The following ZNF385D variants were observed in gnomAD, a reference collection of about 807,000 sequenced individuals.
The protein encoded by ZNF385D is zinc finger protein 385D, also known as zinc finger protein 659.
ZNF385D carries 15 observed loss-of-function variants against 35.8 expected under a neutral mutation model. That is an observed-to-expected ratio of 0.42 (90% CI 0.28 to 0.64). The LOEUF (loss-of-function observed/expected upper bound fraction) is 0.64. Ranked by LOEUF, ZNF385D falls within the 30% of genes least tolerant of loss-of-function variation. The probability of loss-of-function intolerance (pLI) is 0.23; values close to 1 mark genes in which losing one functional copy is unlikely to be tolerated. For missense variants in ZNF385D, 474 were observed against 494.6 expected, an observed-to-expected ratio of 0.96 and a Z score of 0.39; for synonymous variants, 212 against 186.8, an observed-to-expected ratio of 1.13 and a Z score of -1.10.
chr3:21,856,743 T>G (rs1204862385), intron 3 of ZNF385D, among the ~76,000 whole-genome samples: 1 of 152,052 alleles, frequency 6.6e-6, no homozygotes, highest in African/African-American at 2.4e-5. Context: ...TTTTCTCTTA[T>G]CCCTCAACCT....
At chr3:22,157,424 G>T (rs1705661067) in intron 3 of ZNF385D, among the ~76,000 whole-genome samples, 1 of 151,768 alleles carries the variant, frequency 6.6e-6, no homozygotes, top group South Asian at 2.1e-4. Context: ...AAATTTTAAG[G>T]TTGTTTCCCC....
chr3:22,202,759 C>T (rs1217775779), intron 2 of ZNF385D, among the ~76,000 whole-genome samples: 3 of 152,044 alleles, frequency 2.0e-5, no homozygotes, highest in African/African-American at 7.2e-5. Flanking sequence ...AAAGACAGCA[C>T]ATTGAATGTG....
intron 2 of ZNF385D, among the ~76,000 whole-genome samples, chr3:22,326,052 C>T (rs146404533): frequency 2.6e-4 from 39 of 152,216 alleles, no homozygotes; most frequent in East Asian, 2.1e-3. Flanking sequence ...CTCCAATTCC[C>T]GAATGTTTTC....
intron 3 of ZNF385D, among the ~76,000 whole-genome samples, chr3:21,551,266 TG>T (rs1359320785): frequency 6.6e-6 from 1 of 152,202 alleles, no homozygotes; most frequent in East Asian, 1.9e-4. Flanking sequence ...AGAATGGACT[TG>T]CTGCCCTCCC....
At chr3:22,006,852 T>A (rs1292910557) in intron 3 of ZNF385D, among the ~76,000 whole-genome samples, 1 of 151,962 alleles carries the variant, frequency 6.6e-6, no homozygotes, top group Admixed American at 6.6e-5. Flanking sequence ...TAGAAACTGA[T>A]ACAAAACCAA....
At chr3:22,113,289 A>G (rs907450689) in intron 3 of ZNF385D, among the ~76,000 whole-genome samples, 3 of 152,154 alleles carry the variant, frequency 2.0e-5, no homozygotes, top group Non-Finnish European at 4.4e-5. Context: ...TAACATGAAG[A>G]TAATAGGTAA....
intron 3 of ZNF385D, among the ~76,000 whole-genome samples, chr3:21,990,837 G>A (rs542079244): frequency 5.3e-5 from 8 of 152,128 alleles, no homozygotes; most frequent in Non-Finnish European, 1.0e-4. Flanking sequence ...GTATAGCTTG[G>A]ATTTCCTTTG....
chr3:22,069,110 T>C (rs1427047771), intron 3 of ZNF385D, among the ~76,000 whole-genome samples: 6 of 152,190 alleles, frequency 3.9e-5, no homozygotes, highest in Admixed American at 6.5e-5. Context: ...CTACAGGTGT[T>C]TGTTGTGTTA....
rs116079863 is a variant in ZNF385D at position 21,952,759 on chromosome 3, A to T, written c.325+216058T>A. ...CAAAATCTTTTTATACAATAGTATA[A>T]AAATGTAACTGCTACTTAATATATT... On this transcript the variant is annotated intron_variant, in intron 3 of 5. Transcript: ENST00000494108. 2.1e-3 allele frequency among the ~76,000 whole-genome samples: 325 copies of T among 152,074 alleles called. 1 individual carries two copies. Among genetic ancestry groups the T allele is most frequent in the African/African-American group, 7.4e-3 (306 of 41,534 alleles).
At chr3:21,549,336 C>T (rs906544962) in intron 3 of ZNF385D, among the ~76,000 whole-genome samples, 2 of 152,276 alleles carry the variant, frequency 1.3e-5, no homozygotes, top group East Asian at 1.9e-4. Context: ...GGTAGATTCC[C>T]GTGCTCTTGG....
At chr3:22,096,965 C>T (rs775846770) in intron 3 of ZNF385D, among the ~76,000 whole-genome samples, 6 of 152,036 alleles carry the variant, frequency 3.9e-5, no homozygotes, top group Non-Finnish European at 7.4e-5. Context: ...CTTCCACTTC[C>T]TATCTCTTAG....
intron 3 of ZNF385D, among the ~76,000 whole-genome samples, chr3:21,898,129 T>A (rs746310961): frequency 1.3e-5 from 2 of 152,152 alleles, no homozygotes; most frequent in Admixed American, 6.6e-5. Context: ...CCCTCTAGCA[T>A]TTAAGTATTA....
intron 5 of ZNF385D, among the ~76,000 whole-genome samples, chr3:21,433,491 C>G (rs960397553): frequency 6.6e-5 from 10 of 152,162 alleles, no homozygotes; most frequent in Admixed American, 5.2e-4. Context: ...AAAACACAAT[C>G]CAATCTTAAC....
intron 2 of ZNF385D, among the ~76,000 whole-genome samples, chr3:22,236,932 A>G (rs559330060): frequency 1.3e-5 from 2 of 152,308 alleles, no homozygotes; most frequent in African/African-American, 4.8e-5. Context: ...TCTACATATT[A>G]TGTGATAAAA....
chr3:22,276,378 T>G (rs1192966933), intron 2 of ZNF385D, among the ~76,000 whole-genome samples: 1 of 152,050 alleles, frequency 6.6e-6, no homozygotes, highest in Non-Finnish European at 1.5e-5. Context: ...CTAACAATGC[T>G]TATCTTAGCA....
chr3:22,346,207 C>T (rs932583053), intron 2 of ZNF385D, among the ~76,000 whole-genome samples: 2 of 152,156 alleles, frequency 1.3e-5, no homozygotes, highest in African/African-American at 2.4e-5. Flanking sequence ...AAGCCAGGCT[C>T]CATAAATTCC....
intron 2 of ZNF385D, among the ~76,000 whole-genome samples, chr3:21,643,759 C>T (rs911088924): frequency 1.3e-5 from 2 of 151,970 alleles, no homozygotes; most frequent in Non-Finnish European, 2.9e-5. Context: ...GGTGATCCGC[C>T]GAGACCCTGT....
At chr3:21,895,593 G>A (rs1699095370) in intron 3 of ZNF385D, among the ~76,000 whole-genome samples, 1 of 150,244 alleles carries the variant, frequency 6.7e-6, no homozygotes, top group Non-Finnish European at 1.5e-5. Flanking sequence ...TGCCCACCTC[G>A]GCCTCCCAAA....
chr3:21,930,194 A>C (rs147672572), intron 3 of ZNF385D, among the ~76,000 whole-genome samples: 1 of 152,068 alleles, frequency 6.6e-6, no homozygotes, highest in Non-Finnish European at 1.5e-5. Context: ...AAGGGGTGAA[A>C]GAACAGTCTT....
Sources: allele counts gnomAD v4.1 joint callset (sites outside exome capture counted in the v4.1 genomes callset), GRCh38; gene constraint gnomAD v4.1.1; transcripts MANE v1.5; gene names NCBI Gene and HGNC (gene_info 2026-07-23, HGNC 2026-07-21).